Variants in KIF14 observed in about 807,000 individuals in gnomAD.
The protein encoded by KIF14 is kinesin-like protein KIF14.
A neutral mutation model predicts 176.2 loss-of-function variants in KIF14; 98 were observed. The observed-to-expected ratio is 0.56, with a 90% CI of 0.47 to 0.66. KIF14 has a LOEUF of 0.66. KIF14 is among the 30% of genes least tolerant of loss of function. The pLI is 0.00. For synonymous variants in KIF14, 566 were observed against 632.2 expected, an observed-to-expected ratio of 0.90 and a Z score of 1.57; for missense variants, 1,751 against 1,920.4, an observed-to-expected ratio of 0.91 and a Z score of 1.65.
In KIF14 at chr1:200,580,289, CA is replaced by C; in HGVS notation, c.3429del (p.Phe1143LeufsTer8). 6.7e-7 allele frequency: 1 copy of C among 1,492,954 alleles called. No individual in the cohort carries two copies. The highest frequency in any genetic ancestry group is 9.0e-7 in the Non-Finnish European group (1 of 1,112,468). The allele number at this position is 1,492,954 out of a possible 1,614,324, so 92.5% of individuals were successfully genotyped here. A position where few individuals can be genotyped will look rare whatever the true frequency, so the allele number is the denominator to read the frequency against. ...TCTTTCATTGCTGCAAGTTTAGATT[CA>C]AACTTTTCCAGACTCCAGAATGTTG... ...GISTFWSLEK[F>X]ESKLAAMKEL... On this transcript the variant is annotated frameshift_variant, in exon 21 of 30. Transcript: ENST00000367350. LOFTEE classifies it high-confidence loss of function.
chr1:200,575,298 G>A (rs1052220632), intron 22 of KIF14, among the ~76,000 whole-genome samples: 1 of 151,864 alleles, frequency 6.6e-6, no homozygotes, highest in African/African-American at 2.4e-5. Context: ...TCATTTTTAC[G>A]GAAAATTTAA....
At chr1:200,620,122 A>T (rs1660609962) in intron 1 of KIF14, among the ~76,000 whole-genome samples, 1 of 152,246 alleles carries the variant, frequency 6.6e-6, no homozygotes, top group Non-Finnish European at 1.5e-5. Flanking sequence ...TACAAAAAAA[A>T]TTCGTCAGCT....
chr1:200,585,043 T>A (rs575134533), intron 19 of KIF14, among the ~76,000 whole-genome samples: 51 of 152,114 alleles, frequency 3.4e-4, no homozygotes, highest in Non-Finnish European at 6.0e-4. Context: ...GTTAAACTCA[T>A]AGGCACAGAG....
intron 5 of KIF14, 62 bp downstream of exon 5, chr1:200,608,768 A>G: frequency 2.9e-6 from 3 of 1,023,976 alleles, no homozygotes; most frequent in Non-Finnish European, 4.5e-6. Context: ...GAGAACTCAA[A>G]TAATTAGATA....
intron 22 of KIF14, among the ~76,000 whole-genome samples, chr1:200,572,872 A>G (rs1301678421): frequency 1.3e-5 from 2 of 152,284 alleles, no homozygotes; most frequent in Admixed American, 6.5e-5. Flanking sequence ...AATTTCACCT[A>G]AGGACCATAT....
chr1:200,559,381 T>C lies in KIF14; in HGVS notation c.4302A>G (p.Glu1434=), dbSNP rs756587902. The part of the protein sequence containing the change: ...GMKILLDSGL[E]KAKELQHELF... ...GTTCATGCTGAAGTTCTTTTGCTTT[T>C]TCCAGTCCAGAATCTAATAAAATCT... is the stretch of plus-strand genomic sequence containing the variant. The change falls in exon 27 of 30, where the codon GAA becomes GAG. Residue 1434 remains glutamate (E), a synonymous_variant. Transcript: ENST00000367350. The C allele has an allele frequency of 5.0e-6, 8 of 1,593,858 alleles. No homozygotes were observed. In the Admixed American group the frequency reaches 1.4e-4, roughly 28 times the overall value.
chr1:200,580,383 T>C lies in KIF14; in HGVS notation c.3336A>G (p.Arg1112=), dbSNP rs1424183760. The C allele has an allele frequency of 5.5e-6, 8 of 1,464,088 alleles. No individual in the cohort carries two copies. The highest frequency in any genetic ancestry group is 7.2e-6 in the Non-Finnish European group (8 of 1,103,936). 90.7% of individuals were successfully genotyped at this position (1,464,088 alleles called of 1,614,324 possible). A position where few individuals can be genotyped will look rare whatever the true frequency, so the allele number is the denominator to read the frequency against. ...AACTACTTTTATCTGATATATCATG[T>C]CTGAAAGAAAAATAAACAAAAAAAA... ...SKLKTYYVFG[R]HDISDKSSSD... is the part of the protein sequence containing the mutation. Residue 1112 remains arginine, a splice_region_variant and synonymous_variant, in exon 21 of 30, where the codon AGA becomes AGG. Coordinates refer to ENST00000367350, the MANE Select transcript of KIF14 (RefSeq NM_014875.3).
rs770006595 is a variant in KIF14, at chr1:200,569,946, T to G, written c.3626A>C (p.His1209Pro). 1.2e-6 allele frequency: 2 copies of G among 1,602,702 alleles called. No individual in the cohort carries two copies. Among genetic ancestry groups the G allele is most frequent in the South Asian group, 2.2e-5 (2 of 89,202 alleles). Residue 1209 changes from histidine to proline, a missense_variant, in exon 23 of 30, where the codon CAT becomes CCT. Physicochemically the swap from His to Pro is moderately conservative, Grantham distance 77 (BLOSUM62 -2). Transcript: ENST00000367350. Reference sequence around the variant, plus strand: ...TGAAGAATGCAAATTCTTAATTGGATGGACTTGTATGTCATGTAAACAACC... The same window carrying G: ...TGAAGAATGCAAATTCTTAATTGGAGGGACTTGTATGTCATGTAAACAACC... ...ISGCLHDIQV[H>P]PIKNLHSSHS... is the part of the protein sequence containing the mutation.
chr1:200,557,139 G>T (rs1008463166), intron 27 of KIF14, among the ~76,000 whole-genome samples: 1 of 152,138 alleles, frequency 6.6e-6, no homozygotes, highest in African/African-American at 2.4e-5. Flanking sequence ...GAGTAGCTGG[G>T]ACTACAGATG....
intron 4 of KIF14, 116 bp downstream of exon 4, chr1:200,614,202 C>G (rs1660292860): frequency 3.5e-6 from 2 of 571,816 alleles, no homozygotes; most frequent in Admixed American, 3.3e-5. Flanking sequence ...GAAGAGTGAT[C>G]TACAAATTAG....
chr1:200,587,408 TAA>T (rs201973922), intron 18 of KIF14, among the ~76,000 whole-genome samples: 1 of 141,594 alleles, frequency 7.1e-6, no homozygotes, highest in African/African-American at 2.6e-5. Context: ...GACAAACTGT[TAA>T]AAAAAAAAAG....
chr1:200,565,000 T>C, intron 25 of KIF14, 69 bp downstream of exon 25: 6 of 1,238,928 alleles, frequency 4.8e-6, no homozygotes, highest in Admixed American at 2.1e-5. Flanking sequence ...GGGGAAGATA[T>C]AGACAGTAGA....
intron 21 of KIF14, among the ~76,000 whole-genome samples, chr1:200,576,525 T>G (rs946477741): frequency 5.9e-5 from 9 of 151,492 alleles, no homozygotes; most frequent in Non-Finnish European, 1.2e-4. Context: ...CTAGGGTAAT[T>G]CAACCACTAG....
intron 20 of KIF14, among the ~76,000 whole-genome samples, chr1:200,580,920 C>A (rs999800032): frequency 5.3e-5 from 8 of 151,812 alleles, no homozygotes; most frequent in African/African-American, 1.9e-4. Context: ...ACCAGCCTGG[C>A]CAACGTGGTG....
chr1:200,582,436 T>A (rs1658513062), intron 19 of KIF14, among the ~76,000 whole-genome samples: 1 of 152,158 alleles, frequency 6.6e-6, no homozygotes, highest in Admixed American at 6.5e-5. Context: ...ACCAGTAATC[T>A]ACTAAAAATA....
chr1:200,594,797 G>A (rs961409616), intron 14 of KIF14, among the ~76,000 whole-genome samples: 5 of 152,170 alleles, frequency 3.3e-5, no homozygotes, highest in Non-Finnish European at 5.9e-5. Flanking sequence ...TGTGATTAGA[G>A]AATAATAGTT....
At chr1:200,620,276 T>C (rs939184797) in intron 1 of KIF14, 135 bp downstream of exon 1, 10 of 152,242 alleles carry the variant, frequency 6.6e-5, no homozygotes, top group African/African-American at 2.4e-4. Context: ...CGGTTTCTGT[T>C]TGAGGAGTTT....
chr1:200,600,968 C>T (rs566885012), intron 11 of KIF14, among the ~76,000 whole-genome samples: 61 of 151,760 alleles, frequency 4.0e-4, no homozygotes, highest in African/African-American at 1.4e-3. Context: ...TTGCAACCTC[C>T]GCCTCCTGGG....
At chr1:200,592,046 T>C in intron 16 of KIF14, 34 bp downstream of exon 16, 2 of 1,568,864 alleles carry the variant, frequency 1.3e-6, no homozygotes, top group Non-Finnish European at 1.7e-6. Flanking sequence ...ATCTCTCTCA[T>C]ACACTTACTA....
Sources: gnomAD v4.1 joint callset for allele counts (sites outside exome capture counted in the v4.1 genomes callset) on GRCh38, gnomAD v4.1.1 for gene constraint, MANE v1.5 for transcripts, NCBI Gene and HGNC (gene_info 2026-07-23, HGNC 2026-07-21) for gene names.